ALK: variants seen among roughly 807,000 people sequenced by gnomAD.
ALK encodes ALK tyrosine kinase receptor.
Under a neutral mutation model 163.1 loss-of-function variants are expected in ALK, and 74 were observed. The ratio of observed to expected loss-of-function variants is 0.45; its 90% CI spans 0.38 to 0.55. The LOEUF (loss-of-function observed/expected upper bound fraction) is 0.55. Ranked by LOEUF, ALK falls within the 20% of genes least tolerant of loss-of-function variation. ALK has a pLI of 0.00. For synonymous variants in ALK, 960 were observed against 843.2 expected, an observed-to-expected ratio of 1.14 and a Z score of -2.40; for missense variants, 2,063 against 2,105.3, an observed-to-expected ratio of 0.98 and a Z score of 0.39.
intron 4 of ALK, among the ~76,000 whole-genome samples, chr2:29,427,156 T>C (rs534345774): frequency 2.4e-4 from 2 of 8,230 alleles, no homozygotes; most frequent in East Asian, 5.3e-3. Context: ...GCACAAAGGA[T>C]TGGGGGGGGC....
At chr2:29,445,714 T>C (rs565193669) in intron 4 of ALK, among the ~76,000 whole-genome samples, 58 of 152,142 alleles carry the variant, frequency 3.8e-4, no homozygotes, top group African/African-American at 1.3e-3. Flanking sequence ...CCCAGTTACT[T>C]GGGAGGCTGA....
At chr2:29,216,675 GTTGTGTA>G (rs1363703701) in intron 23 of ALK, among the ~76,000 whole-genome samples, 5 of 28,024 alleles carry the variant, frequency 1.8e-4, no homozygotes, top group Admixed American at 1.4e-3. Context: ...TTGTGTATGT[GTTGTGTA>G]TATGTGGGGT....
At chr2:29,399,503 C>T (rs766821814) in intron 4 of ALK, among the ~76,000 whole-genome samples, 2 of 152,206 alleles carry the variant, frequency 1.3e-5, no homozygotes, top group South Asian at 2.1e-4. Context: ...CCAGGCAATG[C>T]GGAATGAAGA....
At chr2:29,323,475 G>A (rs529958468) in intron 6 of ALK, among the ~76,000 whole-genome samples, 101 of 152,274 alleles carry the variant, frequency 6.6e-4, no homozygotes, top group African/African-American at 2.3e-3. Flanking sequence ...TAGAATCCAG[G>A]GTGAGCTGGG....
At chr2:29,759,607 A>G (rs1680643010) in intron 1 of ALK, among the ~76,000 whole-genome samples, 1 of 152,000 alleles carries the variant, frequency 6.6e-6, no homozygotes. Flanking sequence ...AATCAGAAAC[A>G]CTCTTTGGCC....
intron 3 of ALK, among the ~76,000 whole-genome samples, chr2:29,556,720 G>A (rs1385393025): frequency 2.0e-5 from 3 of 152,182 alleles, no homozygotes. Context: ...GTGACATTTA[G>A]CTTAGGGTTT....
At chr2:29,913,413 C>T (rs560454812) in intron 1 of ALK, among the ~76,000 whole-genome samples, 1 of 152,322 alleles carries the variant, frequency 6.6e-6, no homozygotes, top group Non-Finnish European at 1.5e-5. Context: ...ACACTCCCTG[C>T]TTACATCTTG....
intron 1 of ALK, among the ~76,000 whole-genome samples, chr2:29,782,172 G>GT (rs1341501278): frequency 6.6e-6 from 1 of 152,176 alleles, no homozygotes; most frequent in Admixed American, 6.5e-5. Context: ...AGAGTCTTAA[G>GT]TAAGAGATTT....
chr2:29,845,711 G>A (rs947540058), intron 1 of ALK, among the ~76,000 whole-genome samples: 62 of 152,192 alleles, frequency 4.1e-4, no homozygotes, highest in Non-Finnish European at 8.1e-4. Flanking sequence ...TAGGATGACA[G>A]GTGTGAGCCA....
intron 3 of ALK, among the ~76,000 whole-genome samples, chr2:29,662,889 C>G (rs1677392979): frequency 6.6e-6 from 1 of 152,068 alleles, no homozygotes; most frequent in Non-Finnish European, 1.5e-5. Flanking sequence ...AATATGAGCT[C>G]CTTAGAATAA....
intron 2 of ALK, among the ~76,000 whole-genome samples, chr2:29,717,171 C>CAAAAAA (rs754615995): frequency 6.0e-4 from 42 of 70,380 alleles, no homozygotes; most frequent in Admixed American, 1.4e-3. Flanking sequence ...GACTCTGTCT[C>CAAAAAA]AAAAAAAAAA....
intron 4 of ALK, among the ~76,000 whole-genome samples, chr2:29,455,910 T>C (rs1362113933): frequency 6.6e-6 from 1 of 152,184 alleles, no homozygotes; most frequent in African/African-American, 2.4e-5. Context: ...CCGAGGTCCC[T>C]GCACTCCTAG....
At chr2:29,722,832 T>C (rs1439831708) in intron 1 of ALK, among the ~76,000 whole-genome samples, 5 of 152,028 alleles carry the variant, frequency 3.3e-5, no homozygotes, top group Non-Finnish European at 7.4e-5. Flanking sequence ...TAACCTCCCT[T>C]CCCCTAAACC....
intron 3 of ALK, among the ~76,000 whole-genome samples, chr2:29,600,707 C>T (rs1463393132): frequency 2.6e-5 from 4 of 152,150 alleles, no homozygotes; most frequent in Non-Finnish European, 5.9e-5. Context: ...CCAGATTGAA[C>T]TTTGTGGGAG....
chr2:29,328,884 G>A (rs994815321), intron 5 of ALK, among the ~76,000 whole-genome samples: 4 of 152,214 alleles, frequency 2.6e-5, no homozygotes, highest in Non-Finnish European at 4.4e-5. Flanking sequence ...ACCAAGAGGT[G>A]GATCTGGTCT....
intron 1 of ALK, among the ~76,000 whole-genome samples, chr2:29,736,172 G>C (rs1019650173): frequency 6.6e-6 from 1 of 151,870 alleles, no homozygotes; most frequent in South Asian, 2.1e-4. Context: ...GTTTTCAAAG[G>C]GTTTTTGATA....
At position 29,512,230 on chromosome 2, in the gene ALK, T is replaced by C. The variant is rs550521852; in HGVS notation, c.1154+19685A>G. The stretch of plus-strand genomic sequence containing the variant: ...TCTAGACCAATATCCTTGATGAACA[T>C]TGATGCAAAAATCCTCAATAAAATA... On this transcript the variant is annotated intron_variant, in intron 4 of 28. Coordinates refer to ENST00000389048, the MANE Select transcript of ALK (RefSeq NM_004304.5). 1.8e-3 allele frequency among the ~76,000 whole-genome samples: 272 copies of C among 152,164 alleles called. 1 individual carries two copies. The highest frequency in any genetic ancestry group is 6.2e-3 in the African/African-American group (256 of 41,526).
intron 5 of ALK, among the ~76,000 whole-genome samples, chr2:29,348,211 T>C (rs963547623): frequency 2.0e-5 from 3 of 152,094 alleles, no homozygotes; most frequent in African/African-American, 7.2e-5. Context: ...AGTTGCTCCA[T>C]CTCTCCTAGG....
At chr2:29,697,314 G>T (rs1389007239) in intron 2 of ALK, among the ~76,000 whole-genome samples, 3 of 152,170 alleles carry the variant, frequency 2.0e-5, no homozygotes, top group East Asian at 3.9e-4. Flanking sequence ...CTCTTGGGGA[G>T]TGTTTGGGGA....
Sources: gnomAD v4.1 joint callset for allele counts (sites outside exome capture counted in the v4.1 genomes callset) on GRCh38, gnomAD v4.1.1 for gene constraint, MANE v1.5 for transcripts, NCBI Gene and HGNC (gene_info 2026-07-23, HGNC 2026-07-21) for gene names.